The following TULP4 variants were observed in gnomAD, a reference collection of about 807,000 sequenced individuals.
TULP4 encodes the protein tubby-related protein 4.
Under a neutral mutation model 129.0 loss-of-function variants are expected in TULP4, and 16 were observed. The observed-to-expected ratio is 0.12, with a 90% CI of 0.08 to 0.19. TULP4 has a LOEUF of 0.19. Ranked by LOEUF, TULP4 falls within the 10% of genes least tolerant of loss-of-function variation. The pLI, the probability that TULP4 is intolerant of heterozygous loss-of-function variation, is 1.00. For synonymous variants in TULP4, 998 were observed against 854.0 expected (o/e 1.17, Z -2.94); for missense variants, 1,842 against 2,059.1 (o/e 0.89, Z 2.04).
At chr6:158,506,261 C>A (rs1289762364) in intron 13 of TULP4, among the ~76,000 whole-genome samples, 1 of 101,672 alleles carries the variant, frequency 9.8e-6, no homozygotes, top group Non-Finnish European at 1.8e-5. Context: ...GAGATGAAGT[C>A]TCCTCTGTCG....
At chr6:158,454,024 C>CCT (rs1583894763) in intron 5 of TULP4, among the ~76,000 whole-genome samples, 3 of 147,618 alleles carry the variant, frequency 2.0e-5, no homozygotes, top group African/African-American at 5.1e-5. Flanking sequence ...CTGCACCGCC[C>CCT]CCCCCCAAGT....
At chr6:158,328,206 T>C (rs957597527) in intron 1 of TULP4, among the ~76,000 whole-genome samples, 2 of 150,950 alleles carry the variant, frequency 1.3e-5, no homozygotes, top group African/African-American at 4.9e-5. Flanking sequence ...GGAGCTAATA[T>C]TGAGTATTTA....
intron 1 of TULP4, among the ~76,000 whole-genome samples, chr6:158,247,763 T>G (rs1048965008): frequency 6.6e-6 from 1 of 152,214 alleles, no homozygotes; most frequent in Non-Finnish European, 1.5e-5. Context: ...TGCACATCAT[T>G]GTTACGAACA....
chr6:158,422,899 C>T (rs892461309), intron 2 of TULP4, among the ~76,000 whole-genome samples: 2 of 152,230 alleles, frequency 1.3e-5, no homozygotes, highest in Admixed American at 6.5e-5. Flanking sequence ...CCAGGAACAC[C>T]TGGGACAAGG....
At chr6:158,298,128 C>G (rs1267400569) in intron 1 of TULP4, among the ~76,000 whole-genome samples, 1 of 152,116 alleles carries the variant, frequency 6.6e-6, no homozygotes, top group African/African-American at 2.4e-5. Context: ...TCTGCCTGAC[C>G]CCGCAGGCAG....
chr6:158,440,385 A>C (rs1353550491), intron 3 of TULP4, among the ~76,000 whole-genome samples: 1 of 151,550 alleles, frequency 6.6e-6, no homozygotes, highest in Non-Finnish European at 1.5e-5. Flanking sequence ...CAGCTTCTAC[A>C]CTGGAAACCC....
Position 158,479,795 on chromosome 6 carries a change from G to A in TULP4, c.1071G>A (p.Leu357=), listed in dbSNP as rs1779897919. Residue 357 remains leucine (L), a synonymous_variant, in exon 7 of 14, where the codon CTG becomes CTA. Transcript: ENST00000367097. ...SICWGHRDSR[L]LMASGPALYV... Reference sequence around the variant, plus strand: ...GCTGGGGTCACCGGGATTCGAGGCTGTTGATGGCATCAGGACCAGCCCTGT... The same window carrying A: ...GCTGGGGTCACCGGGATTCGAGGCTATTGATGGCATCAGGACCAGCCCTGT... The A allele has an allele frequency of 1.2e-6, 2 of 1,614,110 alleles. No homozygotes were observed. The highest frequency in any genetic ancestry group is 1.7e-6 in the Non-Finnish European group (2 of 1,179,972).
chr6:158,381,081 T>C (rs1227638673), intron 1 of TULP4, among the ~76,000 whole-genome samples: 1 of 151,788 alleles, frequency 6.6e-6, no homozygotes, highest in Non-Finnish European at 1.5e-5. Flanking sequence ...TGGGTTGTAA[T>C]TTATTTGTAC....
At chr6:158,381,788 G>A (rs1473851873) in intron 1 of TULP4, among the ~76,000 whole-genome samples, 1 of 152,214 alleles carries the variant, frequency 6.6e-6, no homozygotes, top group African/African-American at 2.4e-5. Context: ...TTTTCTAAAA[G>A]CTCAAATTAT....
intron 1 of TULP4, among the ~76,000 whole-genome samples, chr6:158,388,326 T>TTC (rs1554286523): frequency 1.7e-5 from 2 of 117,002 alleles, no homozygotes; most frequent in East Asian, 2.3e-4. Flanking sequence ...GTTTTTCTTT[T>TTC]TTTTTTTTTT....
intron 3 of TULP4, among the ~76,000 whole-genome samples, chr6:158,445,412 G>A (rs1300741458): frequency 9.9e-5 from 15 of 152,144 alleles, no homozygotes; most frequent in Non-Finnish European, 1.5e-5. Context: ...AAGAATGGAA[G>A]GAGATTGCTC....
rs146876427 is a variant in TULP4, at chr6:158,509,648, C to T, written c.*2954C>T. The T allele has an allele frequency of 6.6e-6, 1 of 152,314 alleles. No homozygotes were observed. Among genetic ancestry groups the T allele is most frequent in the Non-Finnish European group, 1.5e-5 (1 of 68,028 alleles). The allele number at this position is 152,314 out of a possible 1,614,324, so 9.4% of individuals were successfully genotyped here. On this transcript the variant is annotated 3_prime_UTR_variant, in exon 14 of 14. Transcript: ENST00000367097. ...TAGCTCCCTCCCCCAAAGGCGCTTTCCCCCGATGGAGGCACAGGCTTCTGT... is the reference window on the plus strand; with the variant it reads ...TAGCTCCCTCCCCCAAAGGCGCTTTTCCCCGATGGAGGCACAGGCTTCTGT...
At chr6:158,372,523 T>TAAAA in intron 1 of TULP4, among the ~76,000 whole-genome samples, 1 of 152,122 alleles carries the variant, frequency 6.6e-6, no homozygotes, top group African/African-American at 2.4e-5. Context: ...TTGAATTAAA[T>TAAAA]ATCAATTTCT....
chr6:158,366,507 C>G (rs1780967955), intron 1 of TULP4, among the ~76,000 whole-genome samples: 1 of 152,216 alleles, frequency 6.6e-6, no homozygotes, highest in Non-Finnish European at 1.5e-5. Flanking sequence ...CCACAGACCT[C>G]TTTTCAGTTT....
chr6:158,322,193 A>C (rs1042368329), intron 1 of TULP4, among the ~76,000 whole-genome samples: 1 of 152,248 alleles, frequency 6.6e-6, no homozygotes, highest in African/African-American at 2.4e-5. Context: ...AAAGCCAGCA[A>C]AAACTCACTG....
Position 158,503,073 on chromosome 6 carries a change from A to T in TULP4, c.3410A>T (p.Glu1137Val), listed in dbSNP as rs1390849326. 4.3e-6 allele frequency: 7 copies of T among 1,614,100 alleles called. No individual in the cohort carries two copies. Among genetic ancestry groups the T allele is most frequent in the Non-Finnish European group, 5.9e-6 (7 of 1,180,000 alleles). The part of the protein sequence containing the change: ...MLGEDVWVPQ[E>V]RTAQTSGPNP... ...GGTGAGGATGTTTGGGTTCCTCAAG[A>T]AAGGACAGCACAGACTTCAGGGCCC... The change falls in exon 13 of 14, where the codon GAA becomes GTA. Residue 1137 changes from glutamate (E) to valine (V), a missense_variant. Glu to Val is a moderately radical substitution (Grantham distance 121). Coordinates refer to ENST00000367097, the MANE Select transcript of TULP4 (RefSeq NM_020245.5). The surrounding 1 kb of genome is among the most constrained non-coding windows in gnomAD (Gnocchi z 4.3).
At chr6:158,276,448 G>GT (rs1453679496) in intron 1 of TULP4, among the ~76,000 whole-genome samples, 3 of 151,390 alleles carry the variant, frequency 2.0e-5, no homozygotes, top group Non-Finnish European at 2.9e-5. Flanking sequence ...GGGACTACAG[G>GT]TGTGCAACCA....
intron 1 of TULP4, among the ~76,000 whole-genome samples, chr6:158,305,317 C>CTGTGTACGTG (rs1779198907): frequency 8.6e-6 from 1 of 115,902 alleles, no homozygotes; most frequent in South Asian, 3.3e-4. Flanking sequence ...ATATTTCATT[C>CTGTGTACGTG]TGTGTGCGTG....
intron 1 of TULP4, among the ~76,000 whole-genome samples, chr6:158,233,845 A>G (rs1456415558): frequency 6.6e-6 from 1 of 152,224 alleles, no homozygotes; most frequent in African/African-American, 2.4e-5. Flanking sequence ...TTGTTAGACG[A>G]TGTGGATTTC....
Sources: gnomAD v4.1 joint callset for allele counts (sites outside exome capture counted in the v4.1 genomes callset) on GRCh38, gnomAD v4.1.1 for gene constraint, Gnocchi (gnomAD v3.1) non-coding constraint, MANE v1.5 for transcripts, NCBI Gene and HGNC (gene_info 2026-07-23, HGNC 2026-07-21) for gene names.